Variants in KCNIP4 observed in about 807,000 individuals in gnomAD.
KCNIP4 encodes the protein Kv channel-interacting protein 4.
KCNIP4 carries 12 observed loss-of-function variants against 34.0 expected under a neutral mutation model. The ratio of observed to expected loss-of-function variants is 0.35; its 90% CI spans 0.23 to 0.57. KCNIP4 has a LOEUF of 0.57. KCNIP4 is among the 20% of genes least tolerant of loss of function. The pLI is 0.83. For synonymous variants in KCNIP4, 124 were observed against 102.2 expected (o/e 1.21, Z -1.29); for missense variants, 238 against 311.7 (o/e 0.76, Z 1.78).
intron 1 of KCNIP4, among the ~76,000 whole-genome samples, chr4:21,272,091 A>G (rs1201883726): frequency 2.6e-5 from 4 of 152,178 alleles, no homozygotes; most frequent in Non-Finnish European, 5.9e-5. Flanking sequence ...GTGCAGTTTT[A>G]TAGTGGTCAG....
At chr4:21,573,433 G>A (rs1027931231) in intron 1 of KCNIP4, among the ~76,000 whole-genome samples, 1 of 151,798 alleles carries the variant, frequency 6.6e-6, no homozygotes, top group Non-Finnish European at 1.5e-5. Context: ...TTGTATTTGT[G>A]TTCTATTGTT....
chr4:21,928,146 A>ACACACG (rs528390463), intron 1 of KCNIP4, among the ~76,000 whole-genome samples: 2 of 151,090 alleles, frequency 1.3e-5, no homozygotes, highest in South Asian at 4.2e-4. Flanking sequence ...ACACACACAC[A>ACACACG]CCATACTGAA....
rs71655610 is a variant in KCNIP4 at position 20,905,509 on chromosome 4, C to CTTTCTTTTT, written c.62-22801_62-22800insAAAAAGAAA. 1.4e-4 allele frequency among the ~76,000 whole-genome samples: 10 copies of CTTTCTTTTT among 72,800 alleles called. 2 individuals carry two copies. The highest frequency in any genetic ancestry group is 4.4e-4 in the South Asian group (1 of 2,296). 47.8% of individuals were successfully genotyped at this position (72,800 alleles called of 152,430 possible). A position where few individuals can be genotyped will look rare whatever the true frequency, so the allele number is the denominator to read the frequency against. Reference sequence around the variant, plus strand: ...ACACAGGTAGTTGAACGTTTTCTTTCTTTTTTTTTTTTTTTTGTTTGAGAT... The same window carrying CTTTCTTTTT: ...ACACAGGTAGTTGAACGTTTTCTTTCTTTCTTTTTTTTTTTTTTTTTTTTTGTTTGAGAT... On this transcript the variant is annotated intron_variant, in intron 1 of 8. Coordinates refer to ENST00000382152, the MANE Select transcript of KCNIP4 (RefSeq NM_025221.6).
intron 1 of KCNIP4, among the ~76,000 whole-genome samples, chr4:21,484,164 C>T (rs567729986): frequency 3.0e-4 from 46 of 151,698 alleles, no homozygotes; most frequent in Middle Eastern, 3.4e-3. Context: ...TGGTGGCTCA[C>T]GCCTGTAATC....
At chr4:21,030,270 G>T (rs1740904634) in intron 1 of KCNIP4, among the ~76,000 whole-genome samples, 1 of 152,126 alleles carries the variant, frequency 6.6e-6, no homozygotes, top group Non-Finnish European at 1.5e-5. Flanking sequence ...AGGGATCTCG[G>T]TTGTGTGCTC....
intron 1 of KCNIP4, among the ~76,000 whole-genome samples, chr4:21,797,130 T>C (rs1021474186): frequency 1.3e-5 from 2 of 152,186 alleles, no homozygotes; most frequent in African/African-American, 4.8e-5. Context: ...TCTATGCCTG[T>C]CTGCCTCATT....
intron 1 of KCNIP4, among the ~76,000 whole-genome samples, chr4:20,984,626 C>T (rs575954210): frequency 6.6e-6 from 1 of 152,340 alleles, no homozygotes; most frequent in Admixed American, 6.5e-5. Flanking sequence ...CCTCCCCCGC[C>T]ACGCCACTCC....
At chr4:21,913,042 A>G (rs183532780) in intron 1 of KCNIP4, among the ~76,000 whole-genome samples, 1 of 152,182 alleles carries the variant, frequency 6.6e-6, no homozygotes, top group East Asian at 1.9e-4. Context: ...AGCAAAAACA[A>G]TCACTAACCT....
chr4:20,957,258 C>A (rs2149652556), intron 1 of KCNIP4, among the ~76,000 whole-genome samples: 1 of 152,276 alleles, frequency 6.6e-6, no homozygotes, highest in Admixed American at 6.5e-5. Context: ...AGGGTTCTAT[C>A]TAGTTCTTGT....
intron 1 of KCNIP4, among the ~76,000 whole-genome samples, chr4:20,908,130 C>T (rs1223806644): frequency 7.7e-6 from 1 of 130,038 alleles, no homozygotes; most frequent in African/African-American, 2.9e-5. Flanking sequence ...GACAGAGTCT[C>T]GCTCTGTGGC....
At chr4:20,929,631 A>G (rs200846489) in intron 1 of KCNIP4, among the ~76,000 whole-genome samples, 1 of 151,662 alleles carries the variant, frequency 6.6e-6, no homozygotes, top group Non-Finnish European at 1.5e-5. Context: ...TCCCTTATGT[A>G]GAAAACCCTA....
chr4:21,896,671 C>A (rs2203276), intron 1 of KCNIP4, among the ~76,000 whole-genome samples: 1 of 152,110 alleles, frequency 6.6e-6, no homozygotes, highest in Admixed American at 6.6e-5. Flanking sequence ...GCAATCCCAG[C>A]ACTTTGGGAG....
chr4:21,231,415 G>T (rs1189827478), intron 1 of KCNIP4, among the ~76,000 whole-genome samples: 2 of 151,974 alleles, frequency 1.3e-5, no homozygotes, highest in Admixed American at 6.6e-5. Context: ...TGTACCCAAG[G>T]TGCTATTTCC....
chr4:21,622,699 T>G (rs1297712211), intron 1 of KCNIP4, among the ~76,000 whole-genome samples: 11 of 152,144 alleles, frequency 7.2e-5, no homozygotes, highest in Admixed American at 7.2e-4. Context: ...TTATAATTTT[T>G]AAATAATCAG....
At chr4:21,491,738 A>T (rs1180260716) in intron 1 of KCNIP4, among the ~76,000 whole-genome samples, 1 of 152,130 alleles carries the variant, frequency 6.6e-6, no homozygotes, top group African/African-American at 2.4e-5. Flanking sequence ...AAACATCTAC[A>T]TTTTAAGGTT....
intron 1 of KCNIP4, among the ~76,000 whole-genome samples, chr4:21,383,027 C>G (rs1328760215): frequency 1.3e-5 from 2 of 152,236 alleles, no homozygotes; most frequent in East Asian, 1.9e-4. Context: ...AGGGTGGGCT[C>G]TAATCCAATG....
intron 1 of KCNIP4, among the ~76,000 whole-genome samples, chr4:20,971,390 A>G (rs1044356133): frequency 1.3e-5 from 2 of 152,032 alleles, no homozygotes; most frequent in Non-Finnish European, 1.5e-5. Context: ...CAATTGAAGA[A>G]CCCAGTAATA....
In KCNIP4 at chr4:21,398,222, AC is replaced by A. The variant is rs1723172495; in HGVS notation, c.62-515514del. On this transcript the variant is annotated intron_variant, in intron 1 of 8. Coordinates refer to ENST00000382152, the MANE Select transcript of KCNIP4 (RefSeq NM_025221.6). ...AACTTGAAGGTTCTGCGGTAAGTGC[AC>A]AAATTAAAAGACATCTGAAGGTAGG... Among the ~76,000 whole-genome samples the A allele has an allele frequency of 2.0e-5, 3 of 152,370 alleles. 1 individual carries two copies. In the South Asian group the frequency reaches 6.2e-4, roughly 32 times the overall value.
At chr4:21,269,233 A>G (rs552424688) in intron 1 of KCNIP4, among the ~76,000 whole-genome samples, 2 of 152,304 alleles carry the variant, frequency 1.3e-5, no homozygotes, top group South Asian at 4.1e-4. Context: ...GATAGAAGAG[A>G]CAGAGAAGAT....
Sources: allele counts gnomAD v4.1 joint callset (sites outside exome capture counted in the v4.1 genomes callset), GRCh38; gene constraint gnomAD v4.1.1; transcripts MANE v1.5; gene names NCBI Gene and HGNC (gene_info 2026-07-23, HGNC 2026-07-21).